Variants in RUNDC3B observed in about 807,000 individuals in gnomAD.
RUNDC3B encodes RUN domain containing 3B, also known as RUN domain-containing protein 3B.
RUNDC3B carries 33 observed loss-of-function variants against 58.4 expected under a neutral mutation model. The observed-to-expected ratio is 0.56, with a 90% CI of 0.43 to 0.75. RUNDC3B has a LOEUF of 0.75. Ranked by LOEUF, RUNDC3B falls within the 30% of genes least tolerant of loss-of-function variation. RUNDC3B has a pLI of 0.00. For missense variants in RUNDC3B, 501 were observed against 535.7 expected, an observed-to-expected ratio of 0.94 and a Z score of 0.64; for synonymous variants, 193 against 195.2, an observed-to-expected ratio of 0.99 and a Z score of 0.10.
At chr7:87,745,963 C>T (rs533675915) in intron 6 of RUNDC3B, among the ~76,000 whole-genome samples, 54 of 152,052 alleles carry the variant, frequency 3.6e-4, no homozygotes, top group African/African-American at 1.3e-3. Flanking sequence ...CTTTTAGCAC[C>T]GCCTTTGCTG....
intron 1 of RUNDC3B, among the ~76,000 whole-genome samples, chr7:87,632,147 A>T (rs1350395223): frequency 6.6e-6 from 1 of 150,602 alleles, no homozygotes; most frequent in Admixed American, 6.6e-5. Flanking sequence ...ATATCATTCT[A>T]GTGTATCCAC....
intron 8 of RUNDC3B, among the ~76,000 whole-genome samples, chr7:87,791,465 CTT>C (rs1034850196): frequency 2.6e-5 from 4 of 151,922 alleles, no homozygotes; most frequent in African/African-American, 4.8e-5. Context: ...GCAAACCACT[CTT>C]AAGTAAAAAG....
chr7:87,786,007 G>C (rs1563208559), intron 8 of RUNDC3B, among the ~76,000 whole-genome samples: 1 of 152,140 alleles, frequency 6.6e-6, no homozygotes, highest in African/African-American at 2.4e-5. Context: ...ATTCTATGCA[G>C]GCTTTCCAAC....
rs1178658557 is a variant in RUNDC3B, at chr7:87,831,585, CTTGAGAAATGATACAT to C, written c.*1558_*1573del. On this transcript the variant is annotated 3_prime_UTR_variant, in exon 11 of 11. Transcript: ENST00000394654. ...CAATACTTGTAGAAATGCAAATATT[CTTGAGAAATGATACAT>C]TTTTTGTTCTCAATTTCTCAATTCT... 6.6e-6 allele frequency: 1 copy of C among 151,832 alleles called. No individual in the cohort carries two copies. The allele number at this position is 151,832 out of a possible 1,614,324, so 9.4% of individuals were successfully genotyped here. A position where few individuals can be genotyped will look rare whatever the true frequency, so the allele number is the denominator to read the frequency against.
chr7:87,786,482 T>A (rs1249971783), intron 8 of RUNDC3B, among the ~76,000 whole-genome samples: 1 of 151,964 alleles, frequency 6.6e-6, no homozygotes, highest in Non-Finnish European at 1.5e-5. Context: ...GGGAAGAGAT[T>A]AACACCTTTC....
intron 2 of RUNDC3B, among the ~76,000 whole-genome samples, chr7:87,688,543 G>A (rs900256513): frequency 1.3e-5 from 2 of 151,524 alleles, no homozygotes; most frequent in East Asian, 1.9e-4. Flanking sequence ...TATTTATTAT[G>A]TGGAACTAAT....
chr7:87,747,940 C>T lies in RUNDC3B; in HGVS notation c.629+6361C>T, dbSNP rs530500126. On this transcript the variant is annotated intron_variant, in intron 6 of 10. Coordinates refer to ENST00000394654, the MANE Select transcript of RUNDC3B (RefSeq NM_001134405.2). ...GTGCAAAAGAAAAGAGCTTGGTTCT[C>T]CCCTGCCTGTGGAGTCTGCACACTG... Among the ~76,000 whole-genome samples the T allele has an allele frequency of 3.5e-4, 53 of 152,264 alleles. No individual in the cohort carries two copies. In the South Asian group the frequency reaches 0.01, roughly 30 times the overall value.
intron 9 of RUNDC3B, among the ~76,000 whole-genome samples, chr7:87,809,874 T>C (rs1247161003): frequency 6.6e-6 from 1 of 152,214 alleles, no homozygotes; most frequent in African/African-American, 2.4e-5. Context: ...GCCAAGGCTC[T>C]TGAACTACCT....
intron 3 of RUNDC3B, among the ~76,000 whole-genome samples, chr7:87,704,381 A>G (rs1829411329): frequency 6.6e-6 from 1 of 152,248 alleles, no homozygotes; most frequent in Non-Finnish European, 1.5e-5. Flanking sequence ...TCAAATCAAA[A>G]GTAGGAGAGA....
At chr7:87,640,510 AT>A (rs947026056) in intron 1 of RUNDC3B, among the ~76,000 whole-genome samples, 37 of 149,534 alleles carry the variant, frequency 2.5e-4, no homozygotes, top group Admixed American at 8.0e-4. Flanking sequence ...CACCCAGCTA[AT>A]TTTTTTTTTA....
intron 2 of RUNDC3B, among the ~76,000 whole-genome samples, chr7:87,672,415 G>A (rs755672651): frequency 1.5e-4 from 23 of 152,178 alleles, no homozygotes; most frequent in Non-Finnish European, 2.8e-4. Flanking sequence ...CCCTAGGGAG[G>A]TGCAGTGCTG....
chr7:87,722,046 C>A (rs745971139), intron 4 of RUNDC3B, among the ~76,000 whole-genome samples: 16 of 151,954 alleles, frequency 1.1e-4, no homozygotes, highest in Admixed American at 7.2e-4. Flanking sequence ...GTTTCATCAA[C>A]ACAGCAATAA....
At chr7:87,797,853 G>A (rs376073494) in intron 8 of RUNDC3B, among the ~76,000 whole-genome samples, 6 of 151,862 alleles carry the variant, frequency 4.0e-5, no homozygotes, top group East Asian at 1.9e-4. Flanking sequence ...TTTGCGATGC[G>A]AATTAACTTA....
chr7:87,789,401 T>C (rs1835405444), intron 8 of RUNDC3B, among the ~76,000 whole-genome samples: 1 of 152,096 alleles, frequency 6.6e-6, no homozygotes, highest in South Asian at 2.1e-4. Context: ...GTGTAGTTCG[T>C]AGTGAGTACT....
intron 1 of RUNDC3B, among the ~76,000 whole-genome samples, chr7:87,634,794 CTTTGAG>C (rs1043009397): frequency 1.3e-5 from 2 of 152,152 alleles, no homozygotes; most frequent in East Asian, 1.9e-4. Context: ...TGTAGTAGAA[CTTTGAG>C]TTTGAGTTTG....
chr7:87,725,425 CT>C (rs1831164242), intron 4 of RUNDC3B, among the ~76,000 whole-genome samples: 1 of 152,112 alleles, frequency 6.6e-6, no homozygotes, highest in African/African-American at 2.4e-5. Context: ...TGAACTCATC[CT>C]TTTTTGTGGC....
intron 6 of RUNDC3B, among the ~76,000 whole-genome samples, chr7:87,753,212 A>G (rs1833131196): frequency 6.6e-6 from 1 of 150,474 alleles, no homozygotes; most frequent in Non-Finnish European, 1.5e-5. Flanking sequence ...CCTGAGTTCT[A>G]GTTTGATTGC....
chr7:87,769,201 G>C (rs1179774165), intron 6 of RUNDC3B, among the ~76,000 whole-genome samples: 1 of 150,378 alleles, frequency 6.6e-6, no homozygotes, highest in Admixed American at 6.6e-5. Flanking sequence ...AGTAGAGACA[G>C]GTTTTCACCA....
intron 4 of RUNDC3B, among the ~76,000 whole-genome samples, chr7:87,737,608 C>A (rs988615696): frequency 6.6e-6 from 1 of 152,042 alleles, no homozygotes; most frequent in Non-Finnish European, 1.5e-5. Context: ...TTATCTTAAG[C>A]TCAGAAGTAC....
Sources: allele counts gnomAD v4.1 joint callset (sites outside exome capture counted in the v4.1 genomes callset), GRCh38; gene constraint gnomAD v4.1.1; transcripts MANE v1.5; gene names NCBI Gene and HGNC (gene_info 2026-07-23, HGNC 2026-07-21).